The following DGKI variants were observed in gnomAD, a reference collection of about 807,000 sequenced individuals.
DGKI encodes the protein diacylglycerol kinase iota, also known as DAG kinase iota.
A neutral mutation model predicts 147.5 loss-of-function variants in DGKI; 55 were observed. The ratio of observed to expected loss-of-function variants is 0.37; its 90% CI spans 0.30 to 0.47. The LOEUF is 0.47. DGKI is among the 20% of genes least tolerant of loss of function. The pLI, the probability that DGKI is intolerant of heterozygous loss-of-function variation, is 1.00. For synonymous variants in DGKI, 469 were observed against 477.1 expected (o/e 0.98, Z 0.22); for missense variants, 1,007 against 1,323.8 (o/e 0.76, Z 3.71).
chr7:137,725,273 T>A (rs562132643), intron 1 of DGKI, among the ~76,000 whole-genome samples: 1 of 152,320 alleles, frequency 6.6e-6, no homozygotes, highest in Non-Finnish European at 1.5e-5. Context: ...AGTGGAATCA[T>A]CTGTAGCTTC....
At chr7:137,663,655 G>A in intron 3 of DGKI, among the ~76,000 whole-genome samples, 1 of 152,122 alleles carries the variant, frequency 6.6e-6, no homozygotes, top group Non-Finnish European at 1.5e-5. Context: ...TCAAACCTGG[G>A]AAGTAGGTAC....
intron 1 of DGKI, among the ~76,000 whole-genome samples, chr7:137,816,783 G>A (rs1797749356): frequency 6.6e-6 from 1 of 152,234 alleles, no homozygotes; most frequent in East Asian, 1.9e-4. Context: ...TAAGGAAGCT[G>A]CTAAAGAAGG....
At chr7:137,700,874 G>A (rs1046142153) in intron 1 of DGKI, among the ~76,000 whole-genome samples, 14 of 147,524 alleles carry the variant, frequency 9.5e-5, no homozygotes, top group African/African-American at 2.3e-4. Context: ...GCGAAGCTCC[G>A]TCTCAAATAA....
intron 21 of DGKI, among the ~76,000 whole-genome samples, chr7:137,511,804 T>G (rs898846623): frequency 7.2e-5 from 11 of 152,240 alleles, no homozygotes; most frequent in African/African-American, 2.4e-4. Context: ...AGTTTGCTGA[T>G]AGCGCACAGC....
In DGKI at chr7:137,567,841, T is replaced by C. The variant is rs79252721; in HGVS notation, c.1947+3334A>G. Among the ~76,000 whole-genome samples the C allele has an allele frequency of 5.9e-3, 899 of 152,290 alleles. 7 individuals carry two copies. The highest frequency in any genetic ancestry group is 0.02 in the African/African-American group (847 of 41,540). On this transcript the variant is annotated intron_variant, in intron 19 of 32. Transcript: ENST00000614521. The stretch of plus-strand genomic sequence containing the variant: ...CTTTTAAAAGTCCATTTCGAATTAT[T>C]GATGGATAAAATGATATATATGCTA...
chr7:137,603,834 T>A (rs528315066), intron 10 of DGKI, among the ~76,000 whole-genome samples: 2 of 152,322 alleles, frequency 1.3e-5, no homozygotes, highest in East Asian at 3.9e-4. Context: ...TTCTGTTCAC[T>A]TTTCTGAACC....
Position 137,383,162 on chromosome 7 carries a change from C to T in DGKI, c.*8058G>A, listed in dbSNP as rs2128889525. On this transcript the variant is annotated 3_prime_UTR_variant, in exon 33 of 33. Transcript: ENST00000614521. ...TTCACTTTGACTCCTGAATCTGTGA[C>T]CTTTTTGCTTTAGTAGAAACATATC... 1 of 151,880 alleles carries T rather than the reference C, an allele frequency of 6.6e-6. No individual in the cohort carries two copies. Among genetic ancestry groups the T allele is most frequent in the Middle Eastern group, 3.4e-3 (1 of 294 alleles). The allele number at this position is 151,880 out of a possible 1,614,324, so 9.4% of individuals were successfully genotyped here.
chr7:137,561,477 T>G (rs1437894408), intron 19 of DGKI, among the ~76,000 whole-genome samples: 1 of 152,114 alleles, frequency 6.6e-6, no homozygotes, highest in African/African-American at 2.4e-5. Flanking sequence ...TAAAACAAGA[T>G]AGAAGAAATA....
intron 1 of DGKI, among the ~76,000 whole-genome samples, chr7:137,758,262 G>T (rs577318393): frequency 2.6e-5 from 4 of 152,298 alleles, no homozygotes; most frequent in Non-Finnish European, 4.4e-5. Flanking sequence ...CTCATTCTGG[G>T]ACTCAGGTCC....
At chr7:137,784,216 T>C (rs1796600730) in intron 1 of DGKI, among the ~76,000 whole-genome samples, 2 of 152,162 alleles carry the variant, frequency 1.3e-5, no homozygotes, top group South Asian at 2.1e-4. Flanking sequence ...GTTTCTGCTG[T>C]CTTCAGGAAA....
At chr7:137,606,629 A>T (rs996949850) in intron 10 of DGKI, among the ~76,000 whole-genome samples, 6 of 152,158 alleles carry the variant, frequency 3.9e-5, no homozygotes, top group African/African-American at 1.4e-4. Flanking sequence ...ATTCCACCAT[A>T]TTATTCCTCT....
intron 1 of DGKI, among the ~76,000 whole-genome samples, chr7:137,747,570 G>A (rs991572239): frequency 4.6e-5 from 7 of 152,140 alleles, no homozygotes; most frequent in Admixed American, 1.3e-4. Flanking sequence ...ATTCTGTAAC[G>A]GGGTCTTTGA....
At chr7:137,415,977 G>A (rs1412335092) in intron 28 of DGKI, among the ~76,000 whole-genome samples, 2 of 145,456 alleles carry the variant, frequency 1.4e-5, no homozygotes, top group African/African-American at 2.5e-5. Context: ...GCGACAGAGT[G>A]AGACTCTGTC....
chr7:137,513,177 G>T (rs1816634571), intron 21 of DGKI, among the ~76,000 whole-genome samples: 1 of 152,020 alleles, frequency 6.6e-6, no homozygotes, highest in Non-Finnish European at 1.5e-5. Context: ...AATCAGAATA[G>T]AACTTCTGTT....
At chr7:137,713,069 T>C (rs562252689) in intron 1 of DGKI, among the ~76,000 whole-genome samples, 2 of 152,352 alleles carry the variant, frequency 1.3e-5, no homozygotes, top group South Asian at 4.1e-4. Flanking sequence ...TATTAGTTGA[T>C]ATGGGACCAT....
chr7:137,674,083 C>T (rs1468172411), intron 3 of DGKI, among the ~76,000 whole-genome samples: 2 of 152,226 alleles, frequency 1.3e-5, no homozygotes, highest in Non-Finnish European at 1.5e-5. Flanking sequence ...GATCTTTCTA[C>T]TTCAATTTCA....
chr7:137,660,052 A>G (rs776694654), intron 3 of DGKI, among the ~76,000 whole-genome samples: 10 of 152,242 alleles, frequency 6.6e-5, no homozygotes, highest in Non-Finnish European at 1.2e-4. Flanking sequence ...CATGTTTAAA[A>G]ATTAAAATTA....
chr7:137,601,281 AAG>A (rs987045514), intron 10 of DGKI, among the ~76,000 whole-genome samples: 2 of 152,118 alleles, frequency 1.3e-5, no homozygotes, highest in African/African-American at 4.8e-5. Flanking sequence ...AAAAAAAAAA[AAG>A]AAAAAGAAAT....
chr7:137,775,164 G>T (rs936326206), intron 1 of DGKI, among the ~76,000 whole-genome samples: 3 of 151,706 alleles, frequency 2.0e-5, no homozygotes, highest in African/African-American at 7.3e-5. Context: ...TGTGCTCCAT[G>T]TGGCATTATT....
Sources: gnomAD v4.1 joint callset for allele counts (sites outside exome capture counted in the v4.1 genomes callset) on GRCh38, gnomAD v4.1.1 for gene constraint, MANE v1.5 for transcripts, NCBI Gene and HGNC (gene_info 2026-07-23, HGNC 2026-07-21) for gene names.